RERE: variants seen among roughly 807,000 people sequenced by gnomAD.
The protein encoded by RERE is arginine-glutamic acid dipeptide repeats.
In RERE, 40 loss-of-function variants were observed where a neutral mutation model predicts 146.1. The ratio of observed to expected loss-of-function variants is 0.27; its 90% confidence interval spans 0.21 to 0.36. The LOEUF is 0.36. Among genes scored for constraint, RERE ranks in the 10% least tolerant of loss-of-function variants. The probability of loss-of-function intolerance (pLI) is 1.00; values close to 1 mark genes in which losing one functional copy is unlikely to be tolerated. For missense variants in RERE, 1,933 were observed against 2,138.7 expected (o/e 0.90, Z 1.90); for synonymous variants, 1,003 against 866.0 (o/e 1.16, Z -2.78).
At chr1:8,462,056 G>A (rs1359313487) in intron 11 of RERE, among the ~76,000 whole-genome samples, 1 of 152,124 alleles carries the variant, frequency 6.6e-6, no homozygotes, top group Non-Finnish European at 1.5e-5. Flanking sequence ...GTCTTGCTGT[G>A]TTGACCAGGC....
At chr1:8,558,759 T>C (rs929627361) in intron 4 of RERE, among the ~76,000 whole-genome samples, 1 of 151,432 alleles carries the variant, frequency 6.6e-6, no homozygotes, top group Non-Finnish European at 1.5e-5. Context: ...TCAACAGAAC[T>C]CAAATGTGAA....
At position 8,437,200 on chromosome 1, in the gene RERE, C is replaced by T. The variant is rs141628725; in HGVS notation, c.1204-14393G>A. 2.2e-4 allele frequency among the ~76,000 whole-genome samples: 34 copies of T among 152,254 alleles called. No individual in the cohort carries two copies. In the East Asian group the frequency reaches 2.3e-3, roughly 10 times the overall value. ...GACCTCGACCAGCACCAGGGCCTTC[C>T]GTCAGCTCCTGATACAGGAGGGGCT... is the stretch of plus-strand genomic sequence containing the variant. On this transcript the variant is annotated intron_variant, in intron 11 of 22. Coordinates refer to ENST00000400908, the MANE Select transcript of RERE (RefSeq NM_001042681.2).
Position 8,556,576 on chromosome 1 carries a change from C to A in RERE, c.629-5G>T. On this transcript the variant is annotated splice_region_variant and splice_polypyrimidine_tract_variant and intron_variant, in intron 5 of 22. Transcript: ENST00000400908. ...TGACAAGTTCTCTTCCAGAGTCTGT[C>A]AAAAAATTAATTAAGACGACATTAA... is the stretch of plus-strand genomic sequence containing the variant. 1 of 1,557,040 alleles carries A rather than the reference C, an allele frequency of 6.4e-7. No individual in the cohort carries two copies. Among genetic ancestry groups the A allele is most frequent in the Non-Finnish European group, 8.8e-7 (1 of 1,130,984 alleles).
At chr1:8,650,002 A>G (rs888282303) in intron 2 of RERE, among the ~76,000 whole-genome samples, 4 of 152,174 alleles carry the variant, frequency 2.6e-5, no homozygotes, top group African/African-American at 9.7e-5. Context: ...TTAAGAAAAG[A>G]TAAGAATTAA....
chr1:8,714,413 C>A (rs1421749958), intron 1 of RERE, among the ~76,000 whole-genome samples: 1 of 152,144 alleles, frequency 6.6e-6, no homozygotes, highest in Non-Finnish European at 1.5e-5. Context: ...TAGAGTAACG[C>A]CTTCAAATTT....
At chr1:8,420,694 A>G (rs1329221821) in intron 12 of RERE, among the ~76,000 whole-genome samples, 2 of 152,238 alleles carry the variant, frequency 1.3e-5, no homozygotes, top group Non-Finnish European at 2.9e-5. Context: ...ATTAGTTCCA[A>G]TGATGGTGAC....
At chr1:8,727,542 G>A (rs1639997008) in intron 1 of RERE, among the ~76,000 whole-genome samples, 1 of 152,020 alleles carries the variant, frequency 6.6e-6, no homozygotes, top group African/African-American at 2.4e-5. Context: ...TCGCCAGGCT[G>A]TTGTGCAGTG....
intron 10 of RERE, among the ~76,000 whole-genome samples, chr1:8,494,592 G>A (rs573105814): frequency 2.0e-5 from 3 of 152,300 alleles, no homozygotes; most frequent in Admixed American, 2.0e-4. Flanking sequence ...TGGGCGTGGT[G>A]GGTGTCTGTA....
chr1:8,644,803 C>T (rs991820422), intron 2 of RERE, among the ~76,000 whole-genome samples: 1 of 152,060 alleles, frequency 6.6e-6, no homozygotes, highest in African/African-American at 2.4e-5. Context: ...ACTAGACATA[C>T]AATTTTTGGC....
intron 12 of RERE, among the ~76,000 whole-genome samples, chr1:8,406,129 ACT>A (rs527991537): frequency 3.5e-4 from 53 of 151,942 alleles, no homozygotes; most frequent in Middle Eastern, 3.2e-3. Flanking sequence ...ACAGGGTCTC[ACT>A]CTGTTTCCCA....
intron 7 of RERE, among the ~76,000 whole-genome samples, chr1:8,529,754 C>A (rs1645618521): frequency 6.6e-6 from 1 of 151,796 alleles, no homozygotes; most frequent in Admixed American, 6.6e-5. Context: ...TAGGATCAGT[C>A]CTCCTCCTCC....
intron 11 of RERE, among the ~76,000 whole-genome samples, chr1:8,427,388 C>A (rs1373436506): frequency 6.6e-6 from 1 of 152,034 alleles, no homozygotes; most frequent in East Asian, 1.9e-4. Context: ...TATATATATC[C>A]TCTCCCCATA....
At chr1:8,666,799 T>C (rs1343488470) in intron 1 of RERE, among the ~76,000 whole-genome samples, 2 of 152,206 alleles carry the variant, frequency 1.3e-5, no homozygotes, top group Non-Finnish European at 2.9e-5. Flanking sequence ...ATTGAGAGTT[T>C]TTCCATGTTT....
intron 1 of RERE, among the ~76,000 whole-genome samples, chr1:8,717,809 T>A (rs924103272): frequency 6.6e-6 from 1 of 152,192 alleles, no homozygotes; most frequent in African/African-American, 2.4e-5. Context: ...AAGAGTCCAA[T>A]AATTCACATA....
At chr1:8,767,040 T>C (rs952538890) in intron 1 of RERE, among the ~76,000 whole-genome samples, 3 of 152,210 alleles carry the variant, frequency 2.0e-5, no homozygotes, top group African/African-American at 7.2e-5. Flanking sequence ...ATGAATAGAC[T>C]AATATGATTT....
chr1:8,718,786 T>C (rs1445527738), intron 1 of RERE, among the ~76,000 whole-genome samples: 1 of 152,330 alleles, frequency 6.6e-6, no homozygotes, highest in East Asian at 1.9e-4. Flanking sequence ...AAAGTCTCCA[T>C]ATGCCCATCT....
intron 1 of RERE, among the ~76,000 whole-genome samples, chr1:8,666,439 G>A (rs561307083): frequency 6.6e-6 from 1 of 152,326 alleles, no homozygotes; most frequent in Admixed American, 6.5e-5. Flanking sequence ...CTGCCTCCAA[G>A]AGAAGCAGCT....
chr1:8,784,915 C>A (rs1418770764), intron 1 of RERE, among the ~76,000 whole-genome samples: 2 of 152,102 alleles, frequency 1.3e-5, no homozygotes, highest in African/African-American at 4.8e-5. Flanking sequence ...AAAAGGTGTA[C>A]CCAGGATGAG....
At chr1:8,526,461 T>A (rs1186446339) in intron 7 of RERE, among the ~76,000 whole-genome samples, 1 of 152,138 alleles carries the variant, frequency 6.6e-6, no homozygotes, top group Non-Finnish European at 1.5e-5. Context: ...CTTCACAAAT[T>A]TCTTTTTGAA....
Sources: gnomAD v4.1 joint callset for allele counts (sites outside exome capture counted in the v4.1 genomes callset) on GRCh38, gnomAD v4.1.1 for gene constraint, MANE v1.5 for transcripts, NCBI Gene and HGNC (gene_info 2026-07-23, HGNC 2026-07-21) for gene names.